The following CRYBG1 variants were observed in gnomAD, a reference collection of about 807,000 sequenced individuals.
CRYBG1 encodes crystallin beta-gamma domain containing 1, also known as beta/gamma crystallin domain-containing protein 1.
In CRYBG1, 139 loss-of-function variants were observed where a neutral mutation model predicts 189.2. The observed-to-expected ratio is 0.73, with a 90% CI of 0.64 to 0.85. CRYBG1 has a LOEUF of 0.85. Among genes scored for constraint, CRYBG1 ranks in the 40% least tolerant of loss-of-function variants. The probability of loss-of-function intolerance (pLI) is 0.00; values close to 1 mark genes in which losing one functional copy is unlikely to be tolerated. For missense variants in CRYBG1, 2,611 were observed against 2,675.8 expected (o/e 0.98, Z 0.53); for synonymous variants, 1,023 against 1,017.1 (o/e 1.01, Z -0.11).
intron 4 of CRYBG1, among the ~76,000 whole-genome samples, chr6:106,523,714 A>AG (rs1201021155): frequency 1.4e-5 from 2 of 141,062 alleles, no homozygotes; most frequent in African/African-American, 2.5e-5. Flanking sequence ...ATAAGGCTCT[A>AG]GGGGGGCCCT....
chr6:106,375,566 C>T (rs1017883059), intron 1 of CRYBG1, among the ~76,000 whole-genome samples: 2 of 152,094 alleles, frequency 1.3e-5, no homozygotes, highest in Admixed American at 1.3e-4. Context: ...AGTCGGATTC[C>T]AGGCCCAAAG....
At chr6:106,421,011 T>C (rs1230195131) in intron 1 of CRYBG1, among the ~76,000 whole-genome samples, 2 of 152,118 alleles carry the variant, frequency 1.3e-5, no homozygotes, top group African/African-American at 4.8e-5. Context: ...GGGAGAGACC[T>C]CTGAGCTTCC....
intron 1 of CRYBG1, among the ~76,000 whole-genome samples, chr6:106,371,705 CT>C (rs1356833732): frequency 6.6e-6 from 1 of 152,168 alleles, no homozygotes; most frequent in Non-Finnish European, 1.5e-5. Context: ...ACAAGCTTGT[CT>C]AAAACTAGAT....
At chr6:106,397,464 A>G (rs1468525730) in intron 1 of CRYBG1, among the ~76,000 whole-genome samples, 1 of 152,222 alleles carries the variant, frequency 6.6e-6, no homozygotes, top group Non-Finnish European at 1.5e-5. Flanking sequence ...AATTGCATCA[A>G]ATAAGACAAA....
chr6:106,461,395 T>C (rs1772005966), intron 2 of CRYBG1, among the ~76,000 whole-genome samples: 1 of 152,190 alleles, frequency 6.6e-6, no homozygotes, highest in South Asian at 2.1e-4. Context: ...TTCCAGCAAA[T>C]GTAGTACAGG....
At chr6:106,538,152 CTA>C (rs1295061351) in intron 8 of CRYBG1, among the ~76,000 whole-genome samples, 1 of 138,034 alleles carries the variant, frequency 7.2e-6, no homozygotes, top group Non-Finnish European at 1.6e-5. Context: ...ACTAAGAAGT[CTA>C]TGTTTGTTTA....
chr6:106,388,758 A>C (rs1422343841), intron 1 of CRYBG1, among the ~76,000 whole-genome samples: 2 of 152,182 alleles, frequency 1.3e-5, no homozygotes, highest in South Asian at 4.1e-4. Flanking sequence ...TTTGCTGATG[A>C]TTAGAATAAG....
chr6:106,551,966 A>C lies in CRYBG1; in HGVS notation c.5427A>C (p.Gln1809His). 6.2e-7 allele frequency: 1 copy of C among 1,600,418 alleles called. No homozygotes were observed. Residue 1809 changes from glutamine to histidine, a missense_variant, in exon 14 of 22, where the codon CAA becomes CAC. This residue lies in a region of CRYBG1 where 1,622 missense variants were observed against 1,735.0 expected (regional missense o/e 0.93). Transcript: ENST00000633556. ...AAAATTGTAAGATCTCTTCTGTTCAACCTATATGTTTGGTAAGGAGTTATA... is the reference window on the plus strand; with the variant it reads ...AAAATTGTAAGATCTCTTCTGTTCACCCTATATGTTTGGTAAGGAGTTATA... ...GGKNCKISSVQPICLDSFTGP... is the reference protein window; with the variant it reads ...GGKNCKISSVHPICLDSFTGP...
intron 1 of CRYBG1, among the ~76,000 whole-genome samples, chr6:106,448,506 A>G (rs187760600): frequency 3.9e-4 from 60 of 152,256 alleles, no homozygotes; most frequent in Non-Finnish European, 7.8e-4. Flanking sequence ...TGGATAGCAC[A>G]CTGTGTCGAC....
Position 106,398,495 on chromosome 6 carries a change from C to T in CRYBG1, c.173+37414C>T, listed in dbSNP as rs140713389. 3.5e-3 allele frequency among the ~76,000 whole-genome samples: 529 copies of T among 152,082 alleles called. 7 individuals are homozygous for T. The highest frequency in any genetic ancestry group is 0.016 in the South Asian group (76 of 4,816). On this transcript the variant is annotated intron_variant, in intron 1 of 21. Transcript: ENST00000633556. ...TAATAAAATCCAATAAACCAACAAC[C>T]GGTGAACCAGAAGCCAATTCAGTAA... is the stretch of plus-strand genomic sequence containing the variant.
intron 1 of CRYBG1, among the ~76,000 whole-genome samples, chr6:106,401,250 G>C (rs1376925927): frequency 2.6e-5 from 4 of 152,134 alleles, no homozygotes; most frequent in African/African-American, 9.7e-5. Context: ...GTAAGGACTG[G>C]TGAATGCTTT....
At chr6:106,507,729 TC>T (rs996018035) in intron 2 of CRYBG1, among the ~76,000 whole-genome samples, 23 of 152,284 alleles carry the variant, frequency 1.5e-4, no homozygotes, top group African/African-American at 5.3e-4. Context: ...AAGAAACAAT[TC>T]CTGGTTGAAA....
At chr6:106,437,060 T>G (rs1159959693) in intron 1 of CRYBG1, among the ~76,000 whole-genome samples, 1 of 152,086 alleles carries the variant, frequency 6.6e-6, no homozygotes, top group South Asian at 2.1e-4. Flanking sequence ...GTACTATAAT[T>G]GCACCTATGA....
intron 1 of CRYBG1, 112 bp from the exon 2 acceptor site, chr6:106,451,582 A>T: frequency 9.3e-7 from 1 of 1,077,102 alleles, no homozygotes; most frequent in Non-Finnish European, 1.3e-6. Flanking sequence ...ATGATTCATT[A>T]TTTGGGCTGA....
intron 1 of CRYBG1, among the ~76,000 whole-genome samples, chr6:106,380,310 A>G (rs1770260660): frequency 6.6e-6 from 1 of 152,192 alleles, no homozygotes; most frequent in Non-Finnish European, 1.5e-5. Flanking sequence ...TTGTGATTTG[A>G]AAAGGTTACT....
intron 13 of CRYBG1, among the ~76,000 whole-genome samples, chr6:106,551,038 A>G (rs537046304): frequency 8.6e-4 from 131 of 152,260 alleles, no homozygotes; most frequent in African/African-American, 3.1e-3. Context: ...GGTTTGTTAC[A>G]TGGGTATATT....
intron 20 of CRYBG1, 95 bp downstream of exon 20, chr6:106,561,595 AT>A: frequency 7.2e-7 from 1 of 1,395,742 alleles, no homozygotes; most frequent in Non-Finnish European, 9.8e-7. Flanking sequence ...AGTAGATGCA[AT>A]TTCACAATTC....
chr6:106,372,436 G>A (rs982666833), intron 1 of CRYBG1, among the ~76,000 whole-genome samples: 3 of 152,070 alleles, frequency 2.0e-5, no homozygotes, highest in Non-Finnish European at 4.4e-5. Context: ...ATTTTCAGTA[G>A]AGACCAGATT....
intron 1 of CRYBG1, among the ~76,000 whole-genome samples, chr6:106,418,193 A>G (rs190569385): frequency 5.9e-5 from 9 of 152,356 alleles, no homozygotes; most frequent in East Asian, 1.9e-4. Context: ...AGTCCCCCCA[A>G]TGTGGCTGAG....
Sources: allele counts gnomAD v4.1 joint callset (sites outside exome capture counted in the v4.1 genomes callset), GRCh38; gene constraint gnomAD v4.1.1; regional missense constraint gnomAD v4.1.1; transcripts MANE v1.5; gene names NCBI Gene and HGNC (gene_info 2026-07-23, HGNC 2026-07-21).